RTN1: variants seen among roughly 807,000 people sequenced by gnomAD.
The protein encoded by RTN1 is reticulon-1.
A neutral mutation model predicts 65.5 loss-of-function variants in RTN1; 25 were observed. The ratio of observed to expected loss-of-function variants is 0.38; its 90% confidence interval spans 0.28 to 0.53. The LOEUF is 0.53. Among genes scored for constraint, RTN1 ranks in the 20% least tolerant of loss-of-function variants. RTN1 has a pLI of 0.79. For synonymous variants in RTN1, 471 were observed against 447.6 expected (o/e 1.05, Z -0.66); for missense variants, 983 against 1,025.4 (o/e 0.96, Z 0.57).
chr14:59,648,760 T>A (rs1222490545), intron 3 of RTN1, among the ~76,000 whole-genome samples: 1 of 152,196 alleles, frequency 6.6e-6, no homozygotes, highest in East Asian at 1.9e-4. Context: ...AAACTCTCAA[T>A]AAACTTTGTA....
chr14:59,651,103 G>A (rs1237290924), intron 3 of RTN1, among the ~76,000 whole-genome samples: 1 of 152,126 alleles, frequency 6.6e-6, no homozygotes, highest in Non-Finnish European at 1.5e-5. Flanking sequence ...AAAGGACAAA[G>A]CTGGAGGTGT....
intron 1 of RTN1, among the ~76,000 whole-genome samples, chr14:59,772,426 T>G (rs1049588829): frequency 6.6e-6 from 1 of 152,012 alleles, no homozygotes; most frequent in East Asian, 1.9e-4. Context: ...CAGCATGCTA[T>G]TAGGTAATTT....
At chr14:59,823,816 A>G (rs1886985081) in intron 1 of RTN1, among the ~76,000 whole-genome samples, 1 of 152,158 alleles carries the variant, frequency 6.6e-6, no homozygotes, top group Non-Finnish European at 1.5e-5. Flanking sequence ...CCTCTCTAGC[A>G]AGGTTGGGGA....
In RTN1 at chr14:59,667,576, TC is replaced by T. The variant is rs762675436; in HGVS notation, c.1765+59342del. ...AGACAAGGATGAGCTCTCTCACCACTCCTATTCAACATAGTGTTGGAAATTC... is the reference window on the plus strand; with the variant it reads ...AGACAAGGATGAGCTCTCTCACCACTCTATTCAACATAGTGTTGGAAATTC... On this transcript the variant is annotated intron_variant, in intron 3 of 8. Transcript: ENST00000267484. Among the ~76,000 whole-genome samples, 3 of 152,136 alleles carry T rather than the reference TC, an allele frequency of 2.0e-5. No individual in the cohort carries two copies. The East Asian group carries it at 5.8e-4, about 29-fold the overall frequency.
intron 1 of RTN1, among the ~76,000 whole-genome samples, chr14:59,856,252 T>C (rs751539104): frequency 5.9e-5 from 9 of 152,272 alleles, no homozygotes; most frequent in Non-Finnish European, 8.8e-5. Flanking sequence ...AGAGACTCCA[T>C]CTTTCTAGAG....
At chr14:59,749,616 TATAG>T (rs1346972935) in intron 1 of RTN1, among the ~76,000 whole-genome samples, 730 of 57,684 alleles carry the variant, frequency 0.013, 48 homozygotes, top group African/African-American at 0.072. Flanking sequence ...TATATATTTA[TATAG>T]ATATCTATAT....
intron 1 of RTN1, among the ~76,000 whole-genome samples, chr14:59,755,724 A>C (rs373150265): frequency 9.2e-5 from 14 of 152,176 alleles, no homozygotes; most frequent in African/African-American, 2.9e-4. Flanking sequence ...AATTAAGTGG[A>C]CTGTGATTTA....
intron 3 of RTN1, among the ~76,000 whole-genome samples, chr14:59,641,568 A>T (rs1882781929): frequency 6.6e-6 from 1 of 151,900 alleles, no homozygotes; most frequent in South Asian, 2.1e-4. Flanking sequence ...ACAGGGTTTT[A>T]CCATGTTGGT....
At chr14:59,734,348 C>T (rs1884962294) in intron 2 of RTN1, among the ~76,000 whole-genome samples, 1 of 152,168 alleles carries the variant, frequency 6.6e-6, no homozygotes, top group South Asian at 2.1e-4. Context: ...GACTGCGAAC[C>T]TTCCCAGCAA....
intron 3 of RTN1, among the ~76,000 whole-genome samples, chr14:59,719,418 C>A (rs149152737): frequency 8.5e-4 from 129 of 152,318 alleles, no homozygotes; most frequent in Non-Finnish European, 1.2e-3. Flanking sequence ...TGCCACCCAC[C>A]ACCAGGTAGT....
intron 3 of RTN1, chr14:59,647,038 G>A (rs1404853783): frequency 6.5e-6 from 1 of 153,324 alleles, no homozygotes; most frequent in East Asian, 1.9e-4. Context: ...AAGGCCCAAT[G>A]GTATGCTGTC....
At chr14:59,676,365 T>A (rs1883627456) in intron 3 of RTN1, among the ~76,000 whole-genome samples, 1 of 152,208 alleles carries the variant, frequency 6.6e-6, no homozygotes, top group African/African-American at 2.4e-5. Context: ...TATAAATAAA[T>A]AACCTTGAAA....
At chr14:59,820,686 G>T (rs1886928164) in intron 1 of RTN1, among the ~76,000 whole-genome samples, 1 of 152,052 alleles carries the variant, frequency 6.6e-6, no homozygotes, top group African/African-American at 2.4e-5. Flanking sequence ...TGTTGTATTA[G>T]CAATTACCTC....
At chr14:59,721,455 C>T (rs1366327958) in intron 3 of RTN1, among the ~76,000 whole-genome samples, 2 of 152,196 alleles carry the variant, frequency 1.3e-5, no homozygotes, top group Non-Finnish European at 2.9e-5. Context: ...CTGCTTAGCT[C>T]ATCTGTTTAC....
At chr14:59,660,945 G>A (rs1354991125) in intron 3 of RTN1, among the ~76,000 whole-genome samples, 1 of 151,868 alleles carries the variant, frequency 6.6e-6, no homozygotes, top group Non-Finnish European at 1.5e-5. Context: ...AAGAATCCAG[G>A]AGCTGTTTTT....
chr14:59,610,221 T>A (rs867635423), intron 3 of RTN1: 1 of 719,202 alleles, frequency 1.4e-6, no homozygotes, highest in Admixed American at 2.1e-5. Flanking sequence ...TCATGGACTT[T>A]CCTTGAAGAA....
chr14:59,837,045 A>ATATATATT (rs141708359), intron 1 of RTN1, among the ~76,000 whole-genome samples: 38,528 of 151,496 alleles, frequency 0.25, 5,113 homozygotes, highest in East Asian at 0.52. Flanking sequence ...ATATATATAT[A>ATATATATT]AAAGGAGAAA....
chr14:59,680,981 A>C (rs896947062), intron 3 of RTN1, among the ~76,000 whole-genome samples: 1 of 152,138 alleles, frequency 6.6e-6, no homozygotes, highest in Non-Finnish European at 1.5e-5. Flanking sequence ...TACAGACATA[A>C]TAATAGAATA....
intron 3 of RTN1, among the ~76,000 whole-genome samples, chr14:59,699,512 TTG>T (rs1302718520): frequency 1.3e-5 from 2 of 152,170 alleles, no homozygotes; most frequent in Non-Finnish European, 2.9e-5. Context: ...AAGACACAGC[TTG>T]TAACAAGTTG....
Sources: gnomAD v4.1 joint callset for allele counts (sites outside exome capture counted in the v4.1 genomes callset) on GRCh38, gnomAD v4.1.1 for gene constraint, MANE v1.5 for transcripts, NCBI Gene and HGNC (gene_info 2026-07-23, HGNC 2026-07-21) for gene names.